TPRA1: variants seen among roughly 807,000 people sequenced by gnomAD.
TPRA1 encodes the protein transmembrane protein adipocyte-associated 1.
TPRA1 carries 28 observed loss-of-function variants against 40.1 expected under a neutral mutation model. That is an observed-to-expected ratio of 0.70 (90% CI 0.52 to 0.96). TPRA1 has a LOEUF of 0.96. Among genes scored for constraint, TPRA1 ranks in the 40% least tolerant of loss-of-function variants. The probability of loss-of-function intolerance (pLI) is 0.00; values close to 1 mark genes in which losing one functional copy is unlikely to be tolerated. For missense variants in TPRA1, 441 were observed against 482.6 expected (o/e 0.91, Z 0.81); for synonymous variants, 219 against 209.7 (o/e 1.04, Z -0.38).
upstream of TPRA1, chr3:127,590,803 A>T (rs1177520413): frequency 6.6e-6 from 1 of 150,688 alleles, no homozygotes; most frequent in Admixed American, 6.6e-5. Context: ...AGCCTATAGG[A>T]ATAAGTCATC....
chr3:127,577,189 G>C (rs973179191), intron 3 of TPRA1, 113 bp from the exon 4 acceptor site: 2 of 1,101,454 alleles, frequency 1.8e-6, no homozygotes, highest in African/African-American at 3.1e-5. Context: ...GGTCGGAAAG[G>C]AGGAAGGCGC....
intron 10 of TPRA1, among the ~76,000 whole-genome samples, chr3:127,574,192 C>G (rs79431214): frequency 1.3e-5 from 2 of 152,242 alleles, no homozygotes; most frequent in African/African-American, 4.8e-5. Context: ...CCTCGTCCCT[C>G]GGCCCTCAGG....
rs769227673 is a variant in TPRA1, at chr3:127,580,385, G to A, written c.-17-222C>T. The A allele has an allele frequency of 2.1e-5, 11 of 524,554 alleles. No individual in the cohort carries two copies. The East Asian group carries it at 3.6e-4, about 17-fold the overall frequency. 32.5% of individuals were successfully genotyped at this position (524,554 alleles called of 1,614,324 possible). ...CATCTCAGGCTCTATCTCACGACCT[G>A]CAAATAGTCTAACAAAGCCACCCCC... On this transcript the variant is annotated intron_variant, in intron 1 of 10. Transcript: ENST00000355552.
intron 1 of TPRA1, among the ~76,000 whole-genome samples, chr3:127,597,245 C>A (rs907694965): frequency 6.6e-6 from 1 of 152,184 alleles, no homozygotes; most frequent in Non-Finnish European, 1.5e-5. Flanking sequence ...AAGAGGGTTG[C>A]GATTCAGCCC....
chr3:127,597,113 C>CAA (rs111589837), intron 1 of TPRA1, among the ~76,000 whole-genome samples: 5 of 131,534 alleles, frequency 3.8e-5, no homozygotes, highest in African/African-American at 8.4e-5. Flanking sequence ...GACTCTGTCT[C>CAA]AAAAAAAAAA....
chr3:127,585,731 G>C (rs1177810846), intron 1 of TPRA1, among the ~76,000 whole-genome samples: 1 of 152,210 alleles, frequency 6.6e-6, no homozygotes, highest in African/African-American at 2.4e-5. Context: ...ACCAGACACT[G>C]TCCCCTTCTT....
In TPRA1 at chr3:127,573,547, C is replaced by T. The variant is rs375142640; in HGVS notation, c.1096G>A (p.Glu366Lys). 103 of 1,612,704 alleles carry T rather than the reference C, an allele frequency of 6.4e-5. 1 individual carries two copies. The Admixed American group carries it at 1.1e-3, about 18-fold the overall frequency. Residue 366 changes from glutamate (E) to lysine (K), a missense_variant, in exon 11 of 11, where the codon GAG becomes AAG. Coordinates refer to ENST00000355552, the MANE Select transcript of TPRA1 (RefSeq NM_001136053.4). ...HTGSINSTDS[E>K]RWKAINA ...CAGGCATTGATGGCCTTCCAGCGCT[C>T]GCTGTCTGTGCTGTTGATGCTGCCA... is the stretch of plus-strand genomic sequence containing the variant.
chr3:127,597,317 T>C (rs762516734), intron 1 of TPRA1, among the ~76,000 whole-genome samples: 49 of 152,214 alleles, frequency 3.2e-4, no homozygotes, highest in Non-Finnish European at 5.7e-4. Context: ...CCTCGTTTGC[T>C]GCCTTCAACC....
intron 10 of TPRA1, chr3:127,574,918 G>A (rs2073531105): frequency 1.1e-5 from 6 of 529,272 alleles, no homozygotes; most frequent in African/African-American, 1.9e-5. Flanking sequence ...CCGTATGTGC[G>A]TGTTTGTGTG....
At chr3:127,574,938 A>G in intron 10 of TPRA1, 1 of 560,028 alleles carries the variant, frequency 1.8e-6, no homozygotes, top group Non-Finnish European at 3.2e-6. Context: ...GTGCATGTGC[A>G]TGTGTGCATG....
At chr3:127,589,873 G>A (rs2074115797) in intron 1 of TPRA1, among the ~76,000 whole-genome samples, 1 of 152,242 alleles carries the variant, frequency 6.6e-6, no homozygotes, top group Non-Finnish European at 1.5e-5. Flanking sequence ...AAGCCCCGCT[G>A]GGGACTGGAC....
chr3:127,592,100 A>T (rs1576403601), upstream of TPRA1: 2 of 152,132 alleles, frequency 1.3e-5, no homozygotes, highest in Non-Finnish European at 2.9e-5. Flanking sequence ...ATCACGAATG[A>T]CCACAGCCAC....
Position 127,573,616 on chromosome 3 carries a change from C to A in TPRA1, c.1027G>T (p.Gly343Trp), listed in dbSNP as rs369669960. 7 of 1,613,278 alleles carry A rather than the reference C, an allele frequency of 4.3e-6. No individual in the cohort carries two copies. The highest frequency in any genetic ancestry group is 5.1e-6 in the Non-Finnish European group (6 of 1,180,006). Residue 343 changes from glycine to tryptophan, a missense_variant, in exon 11 of 11, where the codon GGG (glycine) becomes TGG (tryptophan). By Grantham distance (184) the Gly-to-Trp change is radical. Transcript: ENST00000355552. ...GCGATGTCATCCAGGTAGGCCACCC[C>A]GCCGGCAGAGTCGAACTGCGTGCTC... is the stretch of plus-strand genomic sequence containing the variant. ...YSSTQFDSAG[G>W]VAYLDDIASM...
At chr3:127,574,811 A>G (rs1238170198) in intron 10 of TPRA1, among the ~76,000 whole-genome samples, 1 of 152,246 alleles carries the variant, frequency 6.6e-6, no homozygotes, top group Non-Finnish European at 1.5e-5. Context: ...ATATGTGCAT[A>G]TATCTACATG....
At position 127,576,265 on chromosome 3, in the gene TPRA1, A is replaced by G. The variant is rs1037598716; in HGVS notation, c.499-215T>C. Among the ~76,000 whole-genome samples, 6 of 152,080 alleles carry G rather than the reference A, an allele frequency of 3.9e-5. No homozygotes were observed. Among genetic ancestry groups the G allele is most frequent in the African/African-American group, 1.4e-4 (6 of 41,418 alleles). ...CCGGCCCAGTCTTGGGCTGAGTCAC[A>G]TGGGGAAGGGGGCAGAGATGGACAA... On this transcript the variant is annotated intron_variant, in intron 6 of 10. Coordinates refer to ENST00000355552, the MANE Select transcript of TPRA1 (RefSeq NM_001136053.4). This position sits in a 1 kb window ranked among gnomAD's most constrained non-coding sequence, Gnocchi z 4.6.
chr3:127,584,338 G>C (rs964683343), intron 1 of TPRA1, among the ~76,000 whole-genome samples: 6 of 148,608 alleles, frequency 4.0e-5, no homozygotes, highest in African/African-American at 1.5e-4. Flanking sequence ...CTACTCGGTG[G>C]GGCCGAGGTG....
intron 1 of TPRA1, among the ~76,000 whole-genome samples, chr3:127,596,661 G>A (rs17538384): frequency 2.0e-5 from 3 of 152,016 alleles, no homozygotes; most frequent in Non-Finnish European, 2.9e-5. Context: ...ATGTCCCCTC[G>A]GCCCAAATTC....
At chr3:127,592,195 C>T (rs2074184485), upstream of TPRA1, among the ~76,000 whole-genome samples, 1 of 152,048 alleles carries the variant, frequency 6.6e-6, no homozygotes, top group African/African-American at 2.4e-5. Flanking sequence ...AATTGGCCAC[C>T]GCTTCTAGCC....
upstream of TPRA1, chr3:127,595,531 G>A (rs1258771374): frequency 6.6e-6 from 1 of 152,276 alleles, no homozygotes; most frequent in African/African-American, 2.4e-5. Context: ...GCCACTAACA[G>A]CTCCTAGTCC....
Sources: allele counts gnomAD v4.1 joint callset (sites outside exome capture counted in the v4.1 genomes callset), GRCh38; gene constraint gnomAD v4.1.1; non-coding constraint Gnocchi (gnomAD v3.1); transcripts MANE v1.5; gene names NCBI Gene and HGNC (gene_info 2026-07-23, HGNC 2026-07-21).